The following GPI variants were observed in gnomAD, a reference collection of about 807,000 sequenced individuals.
GPI encodes D-hexose-6-phosphate anomerase.
Under a neutral mutation model 75.8 loss-of-function variants are expected in GPI, and 56 were observed. The observed-to-expected ratio is 0.74, with a 90% CI of 0.60 to 0.92. The LOEUF (loss-of-function observed/expected upper bound fraction) is 0.92, where lower values mean the gene tolerates loss of function less well. Ranked by LOEUF, GPI falls within the 40% of genes least tolerant of loss-of-function variation. The pLI is 0.00. For missense variants in GPI, 638 were observed against 741.0 expected, an observed-to-expected ratio of 0.86 and a Z score of 1.61; for synonymous variants, 288 against 285.4, an observed-to-expected ratio of 1.01 and a Z score of -0.09.
intron 9 of GPI, chr19:34,392,194 T>TAGGATC (rs1402050175): frequency 3.9e-5 from 2 of 50,766 alleles, no homozygotes; most frequent in East Asian, 6.2e-4. Flanking sequence ...TCTGAGGAGG[T>TAGGATC]TGGATCTGGC....
intron 14 of GPI, chr19:34,398,991 C>A: frequency 2.2e-6 from 1 of 448,300 alleles, no homozygotes; most frequent in Non-Finnish European, 4.1e-6. Context: ...AGGCGTGAGC[C>A]ACCGCGCCTG....
intron 9 of GPI, among the ~76,000 whole-genome samples, chr19:34,384,882 A>G (rs2145387401): frequency 6.6e-6 from 1 of 151,616 alleles, no homozygotes. Context: ...GTCTCTACTA[A>G]AACTACAAAA....
chr19:34,386,519 G>C (rs1032906174), intron 9 of GPI, among the ~76,000 whole-genome samples: 4 of 152,222 alleles, frequency 2.6e-5, no homozygotes, highest in Non-Finnish European at 2.9e-5. Flanking sequence ...GGTAGATAGA[G>C]TTGGCTCTTT....
At position 34,393,247 on chromosome 19, in the gene GPI, G is replaced by C; in HGVS notation, c.805-1G>C. 1 of 1,611,310 alleles carries C rather than the reference G, an allele frequency of 6.2e-7. No individual in the cohort carries two copies. Among genetic ancestry groups the C allele is most frequent in the Non-Finnish European group, 8.5e-7 (1 of 1,177,466 alleles). On this transcript the variant is annotated splice_acceptor_variant, in intron 9 of 17. Transcript: ENST00000356487. LOFTEE classifies it high-confidence loss of function. The surrounding 1 kb of genome is among the most constrained non-coding windows in gnomAD (Gnocchi z 4.4). ...TCAGCACCTTGTCCTGTCTCTCCTA[G>C]TGGGTGGGAGGACGCTACTCGCTGT... is the stretch of plus-strand genomic sequence containing the variant.
intron 1 of GPI, chr19:34,365,655 C>T: frequency 1.6e-6 from 1 of 627,878 alleles, no homozygotes; most frequent in Non-Finnish European, 2.9e-6. Flanking sequence ...GACATTTCCC[C>T]TCCTCCTCCC....
At chr19:34,367,472 A>C (rs1568325683) in intron 3 of GPI, among the ~76,000 whole-genome samples, 1 of 152,192 alleles carries the variant, frequency 6.6e-6, no homozygotes, top group Non-Finnish European at 1.5e-5. Flanking sequence ...CTAAGCTGAG[A>C]GAGGATGCAA....
At chr19:34,387,164 G>A (rs1433585197) in intron 9 of GPI, among the ~76,000 whole-genome samples, 1 of 152,212 alleles carries the variant, frequency 6.6e-6, no homozygotes, top group Admixed American at 6.5e-5. Flanking sequence ...TCTATCAGCT[G>A]AGATGTCTGG....
rs1205642756 is a variant in GPI at position 34,365,256 on chromosome 19, C to G, written c.-11C>G. 8 of 1,564,408 alleles carry G rather than the reference C, an allele frequency of 5.1e-6. No individual in the cohort carries two copies. Among genetic ancestry groups the G allele is most frequent in the Non-Finnish European group, 6.9e-6 (8 of 1,158,968 alleles). On this transcript the variant is annotated 5_prime_UTR_variant, in exon 1 of 18. Coordinates refer to ENST00000356487, the MANE Select transcript of GPI (RefSeq NM_000175.5). ...GCTCGCGTCTCACTCAGTGTACCTT[C>G]TAGTCCCGCCATGGCCGCTCTCACC... is the stretch of plus-strand genomic sequence containing the variant.
upstream of GPI, chr19:34,365,045 A>G (rs2074333017): frequency 1.3e-6 from 2 of 1,496,946 alleles, no homozygotes; most frequent in African/African-American, 1.4e-5. Flanking sequence ...CTGAGGCCCC[A>G]GATCAGCGGC....
chr19:34,371,921 G>A (rs567261236), intron 4 of GPI, among the ~76,000 whole-genome samples: 4 of 151,260 alleles, frequency 2.6e-5, no homozygotes, highest in East Asian at 1.9e-4. Flanking sequence ...TTTGACAGTC[G>A]GGAAAGGAGA....
chr19:34,398,038 C>T (rs2074969498), intron 14 of GPI: 1 of 149,670 alleles, frequency 6.7e-6, no homozygotes, highest in African/African-American at 2.5e-5. Context: ...AGATGTACAA[C>T]ATGCCTGGCT....
rs767528540 is a variant in GPI at position 34,368,721 on chromosome 19, G to A, written c.402+19G>A. 1.1e-5 allele frequency: 17 copies of A among 1,613,900 alleles called. No individual in the cohort carries two copies. In the East Asian group the frequency reaches 1.8e-4, roughly 17 times the overall value. On this transcript the variant is annotated intron_variant, in intron 4 of 17. Transcript: ENST00000356487. ...CTGCCAGGTAAGTGGCTACTGGGCC[G>A]GACTCACCCTTGGCCGTGTGTGTGA...
intron 1 of GPI, chr19:34,365,633 C>T (rs909800013): frequency 4.4e-6 from 3 of 683,260 alleles, no homozygotes; most frequent in African/African-American, 3.6e-5. Context: ...GAAAAACGGG[C>T]CCCTCCGTGG....
upstream of GPI, among the ~76,000 whole-genome samples, chr19:34,360,233 C>T (rs1051977249): frequency 6.6e-6 from 1 of 152,124 alleles, no homozygotes; most frequent in Non-Finnish European, 1.5e-5. Context: ...CTAAGCTCTG[C>T]GATCGGCAGG....
chr19:34,365,165 C>T, upstream of GPI: 2 of 1,250,176 alleles, frequency 1.6e-6, no homozygotes, highest in Non-Finnish European at 1.0e-6. Flanking sequence ...GGCGCCTGCG[C>T]CATAAAGGCC....
chr19:34,377,851 C>G lies in GPI; in HGVS notation c.603C>G (p.Pro201=), dbSNP rs1062480. 4.4e-3 allele frequency: 7,140 copies of G among 1,614,112 alleles called. 19 individuals are homozygous for G. The highest frequency in any genetic ancestry group is 5.5e-3 in the Non-Finnish European group (6,534 of 1,179,996). The change falls in exon 6 of 18, where the codon CCC becomes CCG. Residue 201 remains proline, a synonymous_variant. Coordinates refer to ENST00000356487, the MANE Select transcript of GPI (RefSeq NM_000175.5). ...HIAKTLAQLN[P]ESSLFIIASK... is the part of the protein sequence containing the mutation. ...CCAAAACCCTGGCCCAGCTGAACCC[C>G]GAGTCCTCCCTGTTCATCATTGCCT...
At chr19:34,398,496 ACACCGTTT>A (rs935547517) in intron 14 of GPI, 2 of 151,190 alleles carry the variant, frequency 1.3e-5, no homozygotes, top group Non-Finnish European at 2.9e-5. Context: ...TTTTTTCGAG[ACACCGTTT>A]CACTTTGTTG....
chr19:34,377,663 G>T, intron 5 of GPI, 72 bp from the exon 6 acceptor site: 1 of 1,592,690 alleles, frequency 6.3e-7, no homozygotes, highest in Non-Finnish European at 8.6e-7. Context: ...CTTTCTCCAG[G>T]GATGGGACCT....
chr19:34,380,311 GGTC>G (rs2074630488), intron 8 of GPI, among the ~76,000 whole-genome samples: 1 of 145,882 alleles, frequency 6.9e-6, no homozygotes, highest in Non-Finnish European at 1.5e-5. Flanking sequence ...TTTGAGACAA[GGTC>G]ACTCTGTCAC....
Sources: gnomAD v4.1 joint callset for allele counts (sites outside exome capture counted in the v4.1 genomes callset) on GRCh38, gnomAD v4.1.1 for gene constraint, Gnocchi (gnomAD v3.1) non-coding constraint, MANE v1.5 for transcripts, NCBI Gene and HGNC (gene_info 2026-07-23, HGNC 2026-07-21) for gene names.